Variants in SMR3B observed in about 807,000 individuals in gnomAD.
SMR3B encodes submaxillary gland androgen regulated protein 3B, also known as submaxillary gland androgen-regulated protein 3B.
For missense variants in SMR3B, 114 were observed against 99.9 expected, an observed-to-expected ratio of 1.14 and a Z score of -0.60; for synonymous variants, 42 against 36.1, an observed-to-expected ratio of 1.16 and a Z score of -0.59.
At chr4:70,388,609 G>C (rs1241790605) in intron 2 of SMR3B, among the ~76,000 whole-genome samples, 3 of 152,076 alleles carry the variant, frequency 2.0e-5, no homozygotes, top group Non-Finnish European at 4.4e-5. Flanking sequence ...CAACCTCTAC[G>C]TGCCAGAAGC....
At chr4:70,388,702 A>G (rs941371164) in intron 2 of SMR3B, among the ~76,000 whole-genome samples, 1 of 152,086 alleles carries the variant, frequency 6.6e-6, no homozygotes, top group Non-Finnish European at 1.5e-5. Context: ...CCTGCCTTGT[A>G]TTGTAACTCC....
At chr4:70,386,090 T>C (rs951913503) in intron 2 of SMR3B, among the ~76,000 whole-genome samples, 7 of 151,624 alleles carry the variant, frequency 4.6e-5, no homozygotes, top group Non-Finnish European at 8.8e-5. Flanking sequence ...TTGGCCAACA[T>C]GGTGAAACGC....
chr4:70,390,215 A>C lies in SMR3B; in HGVS notation c.*367A>C. ...CCATGCAGACATAACATTTATACCA[A>C]TGAGGCAAAAATAAAGAATTGAGCA... On this transcript the variant is annotated 3_prime_UTR_variant, in exon 3 of 3. Coordinates refer to ENST00000304915, the MANE Select transcript of SMR3B (RefSeq NM_006685.4). 1.9e-6 allele frequency: 1 copy of C among 521,068 alleles called. No individual in the cohort carries two copies. The allele number at this position is 521,068 out of a possible 1,614,324, so 32.3% of individuals were successfully genotyped here.
intron 2 of SMR3B, among the ~76,000 whole-genome samples, chr4:70,386,248 G>A (rs939180550): frequency 6.7e-6 from 1 of 148,700 alleles, no homozygotes; most frequent in African/African-American, 2.5e-5. Flanking sequence ...ACTCCAGCCT[G>A]GGTGACAGAG....
intron 2 of SMR3B, among the ~76,000 whole-genome samples, chr4:70,387,925 A>G (rs1039824391): frequency 2.6e-5 from 4 of 152,236 alleles, no homozygotes; most frequent in Non-Finnish European, 4.4e-5. Flanking sequence ...GGAATCCAGG[A>G]CAGAGATGCT....
intron 2 of SMR3B, among the ~76,000 whole-genome samples, chr4:70,385,646 C>T (rs938005568): frequency 1.3e-5 from 2 of 151,698 alleles, no homozygotes; most frequent in African/African-American, 4.8e-5. Context: ...CCTCGTGATC[C>T]GCCAGCCTCG....
intron 2 of SMR3B, among the ~76,000 whole-genome samples, chr4:70,387,910 A>G (rs188160045): frequency 1.4e-3 from 208 of 152,314 alleles, no homozygotes; most frequent in African/African-American, 4.9e-3. Context: ...AAGAACCTGG[A>G]ATTAGGAATC....
chr4:70,384,835 G>A, intron 2 of SMR3B: 3 of 399,640 alleles, frequency 7.5e-6, no homozygotes, highest in Non-Finnish European at 1.3e-5. Flanking sequence ...ACTCTAGTCA[G>A]TTACACAGTA....
In SMR3B at chr4:70,384,510, G is replaced by A. The variant is rs1446282380; in HGVS notation, c.-1G>A. 1 of 1,608,340 alleles carries A rather than the reference G, an allele frequency of 6.2e-7. No homozygotes were observed. Among genetic ancestry groups the A allele is most frequent in the African/African-American group, 1.3e-5 (1 of 74,532 alleles). ...GCTTACTTTCAGAGGCAACTGAAAG[G>A]ATGAAATCACTGACTTGGATCTTGG... is the stretch of plus-strand genomic sequence containing the variant. On this transcript the variant is annotated 5_prime_UTR_variant, in exon 2 of 3. Coordinates refer to ENST00000304915, the MANE Select transcript of SMR3B (RefSeq NM_006685.4).
chr4:70,387,639 C>A (rs923816723), intron 2 of SMR3B, among the ~76,000 whole-genome samples: 1 of 151,868 alleles, frequency 6.6e-6, no homozygotes, highest in Non-Finnish European at 1.5e-5. Flanking sequence ...GTTGTGTGGC[C>A]AGTAAATCAG....
At chr4:70,389,052 A>C (rs1732713709) in intron 2 of SMR3B, among the ~76,000 whole-genome samples, 1 of 152,164 alleles carries the variant, frequency 6.6e-6, no homozygotes. Flanking sequence ...TTTTTCTTTG[A>C]TAATAGACTT....
At chr4:70,386,287 A>AAG (rs1732664956) in intron 2 of SMR3B, among the ~76,000 whole-genome samples, 1 of 150,852 alleles carries the variant, frequency 6.6e-6, no homozygotes, top group Non-Finnish European at 1.5e-5. Flanking sequence ...AAAAAAAAAA[A>AAG]GAAAAAAGAA....
At position 70,389,904 on chromosome 4, in the gene SMR3B, G is replaced by C. The variant is rs986546070; in HGVS notation, c.*56G>C. On this transcript the variant is annotated 3_prime_UTR_variant, in exon 3 of 3. Coordinates refer to ENST00000304915, the MANE Select transcript of SMR3B (RefSeq NM_006685.4). ...TATCCACAGCCTCCTTCCCGACCAAGACCCTATCCACCTGGACCTCCATTT... is the reference window on the plus strand; with the variant it reads ...TATCCACAGCCTCCTTCCCGACCAACACCCTATCCACCTGGACCTCCATTT... 13 of 1,609,408 alleles carry C rather than the reference G, an allele frequency of 8.1e-6. No individual in the cohort carries two copies. In the African/African-American group the frequency reaches 1.7e-4, roughly 22 times the overall value.
chr4:70,387,499 G>A (rs1732687779), intron 2 of SMR3B, among the ~76,000 whole-genome samples: 1 of 152,030 alleles, frequency 6.6e-6, no homozygotes, highest in African/African-American at 2.4e-5. Context: ...CCATTTAACT[G>A]GCTCATTTTC....
At chr4:70,387,490 C>CG in intron 2 of SMR3B, among the ~76,000 whole-genome samples, 2 of 152,000 alleles carry the variant, frequency 1.3e-5, no homozygotes, top group Non-Finnish European at 2.9e-5. Flanking sequence ...TAATTCCTGC[C>CG]ATTTAACTGG....
intron 2 of SMR3B, among the ~76,000 whole-genome samples, chr4:70,388,976 T>G (rs570335701): frequency 6.6e-6 from 1 of 152,318 alleles, no homozygotes; most frequent in East Asian, 1.9e-4. Context: ...TATATATATT[T>G]TTTTAGTCAA....
At chr4:70,384,923 G>A (rs1423899262) in intron 2 of SMR3B, 1 of 176,892 alleles carries the variant, frequency 5.7e-6, no homozygotes, top group Non-Finnish European at 1.2e-5. Context: ...TTACACCAGA[G>A]TCACCTAACT....
Position 70,389,990 on chromosome 4 carries a change from A to C in SMR3B, c.*142A>C. The C allele has an allele frequency of 6.6e-7, 1 of 1,510,048 alleles. No individual in the cohort carries two copies. The highest frequency in any genetic ancestry group is 9.2e-7 in the Non-Finnish European group (1 of 1,086,098). The allele number at this position is 1,510,048 out of a possible 1,614,324, so 93.5% of individuals were successfully genotyped here. ...TACTCCTGCACCCCAAATATGAACA[A>C]CTGCAGCAGGTGCCACCACCACCAC... On this transcript the variant is annotated 3_prime_UTR_variant, in exon 3 of 3. Coordinates refer to ENST00000304915, the MANE Select transcript of SMR3B (RefSeq NM_006685.4).
chr4:70,386,822 G>A (rs530125205), intron 2 of SMR3B, among the ~76,000 whole-genome samples: 11 of 152,270 alleles, frequency 7.2e-5, no homozygotes, highest in African/African-American at 2.6e-4. Context: ...CCCACACTAA[G>A]GATTTGTTTT....
Sources: allele counts gnomAD v4.1 joint callset (sites outside exome capture counted in the v4.1 genomes callset), GRCh38; gene constraint gnomAD v4.1.1; transcripts MANE v1.5; gene names NCBI Gene and HGNC (gene_info 2026-07-23, HGNC 2026-07-21).